Variants in RCOR1 observed in about 807,000 individuals in gnomAD.
The protein encoded by RCOR1 is REST corepressor 1, also known as REST corepressor.
Under a neutral mutation model 64.0 loss-of-function variants are expected in RCOR1, and 12 were observed. That is an observed-to-expected ratio of 0.19 (90% CI 0.12 to 0.30). The LOEUF (loss-of-function observed/expected upper bound fraction) is 0.30, where lower values mean the gene tolerates loss of function less well. RCOR1 is among the 10% of genes least tolerant of loss of function. RCOR1 has a pLI of 1.00. For synonymous variants in RCOR1, 279 were observed against 227.2 expected (o/e 1.23, Z -2.05); for missense variants, 502 against 621.2 (o/e 0.81, Z 2.04).
intron 3 of RCOR1, among the ~76,000 whole-genome samples, chr14:102,691,218 A>G (rs965466765): frequency 2.0e-5 from 3 of 152,218 alleles, no homozygotes; most frequent in African/African-American, 2.4e-5. Flanking sequence ...TGCTTAAACA[A>G]ATACCACATA....
intron 5 of RCOR1, among the ~76,000 whole-genome samples, chr14:102,707,956 A>G (rs140095563): frequency 1.4e-5 from 2 of 138,760 alleles, no homozygotes; most frequent in African/African-American, 5.7e-5. Flanking sequence ...CGGCCGGCTA[A>G]TTTTTTGTAT....
intron 3 of RCOR1, among the ~76,000 whole-genome samples, chr14:102,693,021 C>G (rs1895569821): frequency 6.6e-6 from 1 of 152,150 alleles, no homozygotes; most frequent in Non-Finnish European, 1.5e-5. Context: ...CTGCCTCAGC[C>G]TCTCAAAGTG....
intron 3 of RCOR1, among the ~76,000 whole-genome samples, chr14:102,687,755 T>C (rs945284395): frequency 1.3e-5 from 2 of 152,168 alleles, no homozygotes; most frequent in Non-Finnish European, 2.9e-5. Flanking sequence ...TTGACTCATA[T>C]GATTTTTACA....
At chr14:102,664,985 C>T (rs1894889474) in intron 2 of RCOR1, among the ~76,000 whole-genome samples, 1 of 152,012 alleles carries the variant, frequency 6.6e-6, no homozygotes, top group South Asian at 2.1e-4. Flanking sequence ...TGGTGTAATA[C>T]CCTTACATGA....
At chr14:102,706,296 G>A (rs534253205) in intron 4 of RCOR1, among the ~76,000 whole-genome samples, 69 of 152,034 alleles carry the variant, frequency 4.5e-4, no homozygotes, top group Admixed American at 2.3e-3. Flanking sequence ...GGCATAATGG[G>A]TAAAAATTAC....
chr14:102,704,721 C>T (rs1056895445), intron 4 of RCOR1, among the ~76,000 whole-genome samples: 17 of 152,252 alleles, frequency 1.1e-4, no homozygotes, highest in Admixed American at 2.6e-4. Flanking sequence ...TGAGCCACCG[C>T]GCCCAGCCCC....
At position 102,602,179 on chromosome 14, in the gene RCOR1, A is replaced by G. The variant is rs1893414681; in HGVS notation, c.361+8854A>G. Reference sequence around the variant, plus strand: ...GTCTCAAAAAAAAAAAAAAAGTGATAATATGTTTTCTTGTTATTGTTAGTG... The same window carrying G: ...GTCTCAAAAAAAAAAAAAAAGTGATGATATGTTTTCTTGTTATTGTTAGTG... On this transcript the variant is annotated intron_variant, in intron 2 of 11. Coordinates refer to ENST00000262241, the MANE Select transcript of RCOR1 (RefSeq NM_015156.4). Among the ~76,000 whole-genome samples, 4 of 151,960 alleles carry G rather than the reference A, an allele frequency of 2.6e-5. No individual in the cohort carries two copies. The East Asian group carries it at 7.7e-4, about 29-fold the overall frequency.
intron 2 of RCOR1, among the ~76,000 whole-genome samples, chr14:102,596,074 G>C (rs567525242): frequency 4.5e-4 from 68 of 152,076 alleles, no homozygotes; most frequent in Middle Eastern, 3.4e-3. Flanking sequence ...GGGAAGGAAG[G>C]CTTCCATTTT....
chr14:102,593,174 C>A lies in RCOR1; in HGVS notation c.288C>A (p.Ser96Arg). 1.3e-6 allele frequency: 2 copies of A among 1,516,450 alleles called. No homozygotes were observed. Among genetic ancestry groups the A allele is most frequent in the Admixed American group, 2.3e-5 (1 of 43,448 alleles). 93.9% of individuals were successfully genotyped at this position (1,516,450 alleles called of 1,614,324 possible). A position where few individuals can be genotyped will look rare whatever the true frequency, so the allele number is the denominator to read the frequency against. ...SWEEGSSGSSSDEEHGGGGMR... is the reference protein window; with the variant it reads ...SWEEGSSGSSRDEEHGGGGMR... ...AGGAAGGCAGCTCGGGCTCGTCCAGCGACGAGGAGCACGGTAGGTGGCAGC... is the reference window on the plus strand; with the variant it reads ...AGGAAGGCAGCTCGGGCTCGTCCAGAGACGAGGAGCACGGTAGGTGGCAGC... The change falls in exon 1 of 12, where the codon AGC becomes AGA. Residue 96 changes from serine (S) to arginine (R), a missense_variant. By Grantham distance (110) the Ser-to-Arg change is moderately radical. Transcript: ENST00000262241.
rs540111223 is a variant in RCOR1 at position 102,704,018 on chromosome 14, C to T, written c.498+2688C>T. On this transcript the variant is annotated intron_variant, in intron 4 of 11. Coordinates refer to ENST00000262241, the MANE Select transcript of RCOR1 (RefSeq NM_015156.4). The stretch of plus-strand genomic sequence containing the variant: ...ATCAGTTTTGTCTCCTGCACCCACT[C>T]CCTTCATATAATCTAGTCAGATAGC... Among the ~76,000 whole-genome samples, 3 of 152,232 alleles carry T rather than the reference C, an allele frequency of 2.0e-5. No homozygotes were observed. The South Asian group carries it at 6.2e-4, about 31-fold the overall frequency.
intron 2 of RCOR1, among the ~76,000 whole-genome samples, chr14:102,640,977 G>A (rs911620868): frequency 6.6e-6 from 1 of 152,102 alleles, no homozygotes; most frequent in Non-Finnish European, 1.5e-5. Context: ...AAAGAGGCTG[G>A]GTGTGGTGGC....
intron 3 of RCOR1, 92 bp downstream of exon 3, chr14:102,682,070 A>C: frequency 1.5e-6 from 1 of 684,308 alleles, no homozygotes; most frequent in Admixed American, 2.9e-5. Flanking sequence ...TATGTATTAA[A>C]TTTCTTTTCT....
chr14:102,637,009 A>G (rs1192649789), intron 2 of RCOR1, among the ~76,000 whole-genome samples: 1 of 152,120 alleles, frequency 6.6e-6, no homozygotes, highest in East Asian at 1.9e-4. Flanking sequence ...CTCTTTGCAT[A>G]TTGAAGGAAC....
rs368726343 is a variant in RCOR1, at chr14:102,634,974, A to T, written c.361+41649A>T. Among the ~76,000 whole-genome samples the T allele has an allele frequency of 6.0e-5, 9 of 150,162 alleles. No individual in the cohort carries two copies. In the East Asian group the frequency reaches 1.6e-3, roughly 26 times the overall value. On this transcript the variant is annotated intron_variant, in intron 2 of 11. Coordinates refer to ENST00000262241, the MANE Select transcript of RCOR1 (RefSeq NM_015156.4). ...CCGCCCACCTCGGCCTCCCAAAGTG[A>T]TAGGATTACAGGTGTGAGCCACCAT...
intron 2 of RCOR1, among the ~76,000 whole-genome samples, chr14:102,679,557 C>T (rs991464475): frequency 6.6e-6 from 1 of 151,824 alleles, no homozygotes; most frequent in Admixed American, 6.6e-5. Context: ...TGGCTCACTG[C>T]AAGCTCCGCC....
chr14:102,597,948 G>A (rs557965499), intron 2 of RCOR1, among the ~76,000 whole-genome samples: 1 of 151,412 alleles, frequency 6.6e-6, no homozygotes, highest in African/African-American at 2.4e-5. Flanking sequence ...TCAGCCTCCC[G>A]AGTAGCCGGG....
At position 102,596,675 on chromosome 14, in the gene RCOR1, C is replaced by T. The variant is rs567515001; in HGVS notation, c.361+3350C>T. ...CACCTCCGAGGTTCAAGTGATTCTC[C>T]TGCCTCAGCCTCCAGAGTAGCTGGG... On this transcript the variant is annotated intron_variant, in intron 2 of 11. Transcript: ENST00000262241. Among the ~76,000 whole-genome samples the T allele has an allele frequency of 2.6e-5, 4 of 151,864 alleles. No homozygotes were observed. The East Asian group carries it at 5.8e-4, about 22-fold the overall frequency.
At chr14:102,633,795 T>TC (rs1331165341) in intron 2 of RCOR1, among the ~76,000 whole-genome samples, 1 of 151,668 alleles carries the variant, frequency 6.6e-6, no homozygotes, top group African/African-American at 2.4e-5. Context: ...CACCTCAGCC[T>TC]CCCCAAGTGC....
At chr14:102,693,662 T>C (rs1895585020) in intron 3 of RCOR1, among the ~76,000 whole-genome samples, 1 of 152,152 alleles carries the variant, frequency 6.6e-6, no homozygotes, top group African/African-American at 2.4e-5. Context: ...CACCCAGCCT[T>C]CCTATAACAC....
Sources: gnomAD v4.1 joint callset for allele counts (sites outside exome capture counted in the v4.1 genomes callset) on GRCh38, gnomAD v4.1.1 for gene constraint, MANE v1.5 for transcripts, NCBI Gene and HGNC (gene_info 2026-07-23, HGNC 2026-07-21) for gene names.